APTX: variants seen among roughly 807,000 people sequenced by gnomAD.
APTX encodes the protein forkhead-associated domain histidine triad-like protein.
A neutral mutation model predicts 42.3 loss-of-function variants in APTX; 33 were observed. The observed-to-expected ratio is 0.78, with a 90% CI of 0.59 to 1.04. The LOEUF is 1.04. Among genes scored for constraint, APTX ranks in the 50% least tolerant of loss-of-function variants. APTX has a pLI of 0.00. For synonymous variants in APTX, 130 were observed against 146.7 expected (o/e 0.89, Z 0.82); for missense variants, 421 against 415.1 (o/e 1.01, Z -0.12).
chr9:33,016,381 A>T (rs1053466476), intron 1 of APTX, among the ~76,000 whole-genome samples: 2 of 152,228 alleles, frequency 1.3e-5, no homozygotes, highest in Non-Finnish European at 2.9e-5. Flanking sequence ...CACACAGAAG[A>T]TCTCAAGAAA....
intron 5 of APTX, among the ~76,000 whole-genome samples, chr9:32,985,306 G>A (rs1205524928): frequency 6.6e-6 from 1 of 150,758 alleles, no homozygotes; most frequent in Non-Finnish European, 1.5e-5. Context: ...GGACTCAAAG[G>A]CTCCTCAAGG....
chr9:33,001,258 C>G, intron 1 of APTX: 1 of 1,397,926 alleles, frequency 7.2e-7, no homozygotes, highest in South Asian at 1.3e-5. Flanking sequence ...TCCCGACAAG[C>G]TGGGCCGCCT....
In APTX at chr9:33,021,245, AATG is replaced by A. The variant is rs201573057; in HGVS notation, c.-5+3775_-5+3777del. Reference sequence around the variant, plus strand: ...ATGCCTAGTAACACATTTAAGAAGAAATGATGAAGACCTAGTTTAAAAAATGAA... The same window carrying A: ...ATGCCTAGTAACACATTTAAGAAGAAATGAAGACCTAGTTTAAAAAATGAA... On this transcript the variant is annotated intron_variant, in intron 1 of 6. Coordinates refer to the APTX transcript ENST00000436040. Among the ~76,000 whole-genome samples the A allele has an allele frequency of 5.3e-3, 800 of 152,278 alleles. 8 individuals carry two copies. The highest frequency in any genetic ancestry group is 0.018 in the African/African-American group (752 of 41,564).
chr9:33,020,920 G>C (rs1325355229), intron 1 of APTX, among the ~76,000 whole-genome samples: 1 of 152,064 alleles, frequency 6.6e-6, no homozygotes, highest in Non-Finnish European at 1.5e-5. Flanking sequence ...ACCTGAGGTT[G>C]GGAGTTCAAG....
chr9:32,977,016 T>C (rs1829576813), intron 6 of APTX, among the ~76,000 whole-genome samples: 1 of 152,208 alleles, frequency 6.6e-6, no homozygotes, highest in Non-Finnish European at 1.5e-5. Flanking sequence ...TCTTGTCCTT[T>C]AATATTTGTA....
intron 3 of APTX, 79 bp downstream of exon 3, chr9:32,988,004 C>A: frequency 1.9e-6 from 3 of 1,545,622 alleles, no homozygotes; most frequent in Non-Finnish European, 1.8e-6. Flanking sequence ...GAAGCCTTCA[C>A]TGGCTGGCAC....
At chr9:32,993,168 A>G (rs554446709) in intron 1 of APTX, among the ~76,000 whole-genome samples, 3 of 152,198 alleles carry the variant, frequency 2.0e-5, no homozygotes, top group East Asian at 1.9e-4. Flanking sequence ...AATAAGAACT[A>G]CCCTTTCTGC....
At chr9:32,993,719 CTT>C (rs1269512640) in intron 1 of APTX, among the ~76,000 whole-genome samples, 42 of 132,944 alleles carry the variant, frequency 3.2e-4, no homozygotes, top group Non-Finnish European at 3.2e-4. Context: ...ACCTCTATAT[CTT>C]TTTTTTTTTT....
intron 1 of APTX, chr9:33,016,190 T>G (rs762919472): frequency 5.3e-5 from 8 of 152,228 alleles, no homozygotes; most frequent in Non-Finnish European, 1.0e-4. Flanking sequence ...TCAGGTATAT[T>G]CCCAACCTTG....
intron 6 of APTX, among the ~76,000 whole-genome samples, chr9:32,983,224 C>T (rs1831120236): frequency 6.6e-6 from 1 of 152,120 alleles, no homozygotes; most frequent in Non-Finnish European, 1.5e-5. Flanking sequence ...CAATAACACA[C>T]ATGAATCTCA....
chr9:32,999,961 A>G (rs1467890977), intron 1 of APTX, among the ~76,000 whole-genome samples: 3 of 152,192 alleles, frequency 2.0e-5, no homozygotes, highest in Non-Finnish European at 4.4e-5. Flanking sequence ...GTCTCAAAAA[A>G]ATATAAAAAT....
intron 1 of APTX, among the ~76,000 whole-genome samples, chr9:32,996,796 T>A (rs543003377): frequency 6.6e-6 from 1 of 152,348 alleles, no homozygotes; most frequent in Admixed American, 6.5e-5. Flanking sequence ...ACAGACTGCA[T>A]CACTGCCTAC....
Position 32,988,686 on chromosome 9 carries a change from GAAA to G in APTX, c.134-560_134-558del, listed in dbSNP as rs201425898. 2.9e-3 allele frequency among the ~76,000 whole-genome samples: 206 copies of G among 70,886 alleles called. 3 individuals are homozygous for G. The highest frequency in any genetic ancestry group is 4.7e-3 in the Non-Finnish European group (179 of 38,030). 46.5% of individuals were successfully genotyped at this position (70,886 alleles called of 152,430 possible). On this transcript the variant is annotated intron_variant, in intron 2 of 7. Coordinates refer to ENST00000379817, the MANE Select transcript of APTX (RefSeq NM_001195248.2). ...ACAGAGTGAGACCCTATCTCAGGAG[GAAA>G]AAAAAAAAAAAAAAAAAAAAAAAAG...
At chr9:32,997,311 T>C (rs968193141) in intron 1 of APTX, 1 of 151,996 alleles carries the variant, frequency 6.6e-6, no homozygotes, top group African/African-American at 2.4e-5. Context: ...AAGTCCAGCT[T>C]GGGCAACACA....
At chr9:32,999,194 A>T (rs1343915990) in intron 1 of APTX, among the ~76,000 whole-genome samples, 2 of 152,242 alleles carry the variant, frequency 1.3e-5, no homozygotes, top group African/African-American at 4.8e-5. Flanking sequence ...TCCAGTAATA[A>T]TCAAAAAATT....
In APTX at chr9:32,973,860, C is replaced by T. The variant is rs115278454; in HGVS notation, c.875-208G>A. Among the ~76,000 whole-genome samples, 542 of 152,086 alleles carry T rather than the reference C, an allele frequency of 3.6e-3. No individual in the cohort carries two copies. The highest frequency in any genetic ancestry group is 0.013 in the African/African-American group (519 of 41,460). On this transcript the variant is annotated intron_variant, in intron 7 of 7. Transcript: ENST00000379817. Reference sequence around the variant, plus strand: ...TGAGCAACCCACCTTTGAAATAATACACTCCTTCAGGACACACTCTAGGCA... The same window carrying T: ...TGAGCAACCCACCTTTGAAATAATATACTCCTTCAGGACACACTCTAGGCA...
intron 7 of APTX, 25 bp downstream of exon 7, chr9:32,974,433 G>T: frequency 7.2e-7 from 1 of 1,394,270 alleles, no homozygotes; most frequent in Non-Finnish European, 1.0e-6. Flanking sequence ...TGAAACAAAT[G>T]TGAAAACCAA....
intron 1 of APTX, among the ~76,000 whole-genome samples, chr9:32,991,779 GA>G (rs35551187): frequency 0.37 from 46,187 of 123,984 alleles, 7,398 homozygotes; most frequent in Non-Finnish European, 0.41. Context: ...TCCATCTCAA[GA>G]AAAAAAAAAA....
chr9:32,986,222 T>C, intron 4 of APTX, 192 bp from the exon 5 acceptor site: 3 of 675,398 alleles, frequency 4.4e-6, no homozygotes, highest in Non-Finnish European at 8.1e-6. Context: ...CTATATTCTC[T>C]TTTTTTTTGA....
Sources: gnomAD v4.1 joint callset for allele counts (sites outside exome capture counted in the v4.1 genomes callset) on GRCh38, gnomAD v4.1.1 for gene constraint, MANE v1.5 for transcripts, NCBI Gene and HGNC (gene_info 2026-07-23, HGNC 2026-07-21) for gene names.